The following TMEM192 variants were observed in gnomAD, a reference collection of about 807,000 sequenced individuals.
TMEM192 encodes transmembrane protein 192.
A neutral mutation model predicts 26.7 loss-of-function variants in TMEM192; 20 were observed. The ratio of observed to expected loss-of-function variants is 0.75; its 90% CI spans 0.53 to 1.09. TMEM192 has a LOEUF of 1.09. Ranked by LOEUF, TMEM192 falls within the 50% of genes least tolerant of loss-of-function variation. The pLI, the probability that TMEM192 is intolerant of heterozygous loss-of-function variation, is 0.00. For missense variants in TMEM192, 304 were observed against 322.6 expected (o/e 0.94, Z 0.44); for synonymous variants, 124 against 121.0 (o/e 1.02, Z -0.16).
Position 165,085,896 on chromosome 4 carries a change from C to A in TMEM192, c.575-208G>T, listed in dbSNP as rs562038028. Among the ~76,000 whole-genome samples the A allele has an allele frequency of 1.8e-3, 272 of 152,008 alleles. 2 individuals are homozygous for A. The highest frequency in any genetic ancestry group is 3.4e-3 in the Non-Finnish European group (231 of 67,986). ...GCTGACATTTATTGTGCACTTAGAA[C>A]ACATGAGGCACAGTTTAAATGTTTT... On this transcript the variant is annotated intron_variant, in intron 4 of 5. Transcript: ENST00000306480.
At chr4:165,099,127 T>C (rs1734982048) in intron 3 of TMEM192, among the ~76,000 whole-genome samples, 1 of 138,726 alleles carries the variant, frequency 7.2e-6, no homozygotes, top group Non-Finnish European at 1.6e-5. Flanking sequence ...TTTTTTGAGA[T>C]GGGGTCTCAC....
At chr4:165,102,800 T>TA in intron 2 of TMEM192, 150 bp downstream of exon 2, 1 of 494,330 alleles carries the variant, frequency 2.0e-6, no homozygotes, top group Non-Finnish European at 3.2e-6. Flanking sequence ...TTTTTTTTTT[T>TA]TTGCCCATGA....
intron 5 of TMEM192, among the ~76,000 whole-genome samples, chr4:165,080,105 T>C (rs1734487652): frequency 6.6e-6 from 1 of 152,180 alleles, no homozygotes; most frequent in Non-Finnish European, 1.5e-5. Flanking sequence ...AGTAATCAAC[T>C]TAAATGGCGT....
intron 2 of TMEM192, among the ~76,000 whole-genome samples, chr4:165,101,469 C>T (rs753124259): frequency 3.3e-5 from 5 of 152,210 alleles, no homozygotes; most frequent in South Asian, 2.1e-4. Flanking sequence ...TGGGCTCAAG[C>T]GATCCTCCTA....
chr4:165,084,302 G>A (rs560389330), intron 5 of TMEM192, among the ~76,000 whole-genome samples: 63 of 151,568 alleles, frequency 4.2e-4, no homozygotes, highest in African/African-American at 1.4e-3. Context: ...GGGTTCAAGC[G>A]ATTCTCCTGC....
chr4:165,096,792 G>A (rs1734918242), intron 3 of TMEM192, among the ~76,000 whole-genome samples: 3 of 151,750 alleles, frequency 2.0e-5, no homozygotes, highest in African/African-American at 4.8e-5. Flanking sequence ...TTATGATTAC[G>A]GCTCACATGT....
At chr4:165,102,884 T>C (rs200170237) in intron 2 of TMEM192, 66 bp downstream of exon 2, 512 of 1,454,822 alleles carry the variant, frequency 3.5e-4, no homozygotes, top group Non-Finnish European at 4.4e-4. Flanking sequence ...AACTGCCCTC[T>C]GAAACACTTA....
chr4:165,088,729 G>C, intron 3 of TMEM192, 127 bp from the exon 4 acceptor site: 1 of 937,582 alleles, frequency 1.1e-6, no homozygotes, highest in South Asian at 2.1e-5. Context: ...TTTCCTGAGT[G>C]ATCAGAGCCT....
In TMEM192 at chr4:165,074,689, T is replaced by A. The variant is rs1418472067; in HGVS notation, c.*4969A>T. The A allele has an allele frequency of 6.6e-6, 1 of 151,944 alleles. No homozygotes were observed. Among genetic ancestry groups the A allele is most frequent in the East Asian group, 1.9e-4 (1 of 5,154 alleles). 9.4% of individuals were successfully genotyped at this position (151,944 alleles called of 1,614,324 possible). A position where few individuals can be genotyped will look rare whatever the true frequency, so the allele number is the denominator to read the frequency against. ...CGAACTCCTGACCTCATGATCCGCC[T>A]GCCTCGGCCTCCCAAAGTGCTGGAA... On this transcript the variant is annotated 3_prime_UTR_variant, in exon 6 of 6. Transcript: ENST00000306480.
intron 1 of TMEM192, among the ~76,000 whole-genome samples, chr4:165,107,025 T>G (rs1414124168): frequency 6.7e-6 from 1 of 148,668 alleles, no homozygotes; most frequent in East Asian, 2.0e-4. Flanking sequence ...TTTTTCTCTC[T>G]TTTTTTTTTC....
At chr4:165,109,118 G>C (rs1210149236) in intron 1 of TMEM192, among the ~76,000 whole-genome samples, 2 of 152,170 alleles carry the variant, frequency 1.3e-5, no homozygotes, top group Non-Finnish European at 2.9e-5. Context: ...GCTGGGAATG[G>C]AAGTCCCTAC....
chr4:165,112,716 GGCCAACC>G, intron 1 of TMEM192, 24 bp downstream of exon 1: 1 of 1,608,324 alleles, frequency 6.2e-7, no homozygotes, highest in Non-Finnish European at 8.5e-7. Flanking sequence ...CGGATTCCGG[GGCCAACC>G]GCCCGCCGCC....
rs1170178114 is a variant in TMEM192 at position 165,071,970 on chromosome 4, T to C, written c.*7688A>G. 6.6e-6 allele frequency: 1 copy of C among 152,212 alleles called. No individual in the cohort carries two copies. The highest frequency in any genetic ancestry group is 1.5e-5 in the Non-Finnish European group (1 of 68,200). The allele number at this position is 152,212 out of a possible 1,614,324, so 9.4% of individuals were successfully genotyped here. ...TTAAAAGACTCTTATAGGCCAGGTG[T>C]GGTGGCTCATGCCTGTAATCCCAGT... is the stretch of plus-strand genomic sequence containing the variant. On this transcript the variant is annotated 3_prime_UTR_variant, in exon 6 of 6. Transcript: ENST00000306480.
Position 165,079,359 on chromosome 4 carries a change from G to T in TMEM192, c.*299C>A, listed in dbSNP as rs1040552496. 3.7e-6 allele frequency: 1 copy of T among 272,838 alleles called. No individual in the cohort carries two copies. The highest frequency in any genetic ancestry group is 2.2e-5 in the African/African-American group (1 of 45,764). 16.9% of individuals were successfully genotyped at this position (272,838 alleles called of 1,614,324 possible). ...GGGTTCTAATGTCAGGTGGAAAAGTGTTGACTATGGAGTTGTTTAGCCTCT... is the reference window on the plus strand; with the variant it reads ...GGGTTCTAATGTCAGGTGGAAAAGTTTTGACTATGGAGTTGTTTAGCCTCT... On this transcript the variant is annotated 3_prime_UTR_variant, in exon 6 of 6. Transcript: ENST00000306480.
At chr4:165,111,361 T>C (rs1220333571) in intron 1 of TMEM192, among the ~76,000 whole-genome samples, 2 of 152,224 alleles carry the variant, frequency 1.3e-5, no homozygotes, top group Non-Finnish European at 2.9e-5. Flanking sequence ...CCCAAAGTGC[T>C]GGGATTACAG....
intron 1 of TMEM192, 121 bp downstream of exon 1, chr4:165,112,626 C>A: frequency 1.4e-6 from 2 of 1,433,656 alleles, no homozygotes; most frequent in East Asian, 2.6e-5. Context: ...AGGCGGCGCC[C>A]CCTTCGGCCG....
At chr4:165,093,987 C>A (rs777197581) in intron 3 of TMEM192, among the ~76,000 whole-genome samples, 25 of 152,174 alleles carry the variant, frequency 1.6e-4, no homozygotes, top group Non-Finnish European at 2.8e-4. Flanking sequence ...GTAACCTCCG[C>A]CTCCCAGGTT....
At chr4:165,084,908 G>A (rs1011087579) in intron 5 of TMEM192, among the ~76,000 whole-genome samples, 3 of 152,132 alleles carry the variant, frequency 2.0e-5, no homozygotes, top group African/African-American at 7.2e-5. Context: ...TTGGGAGGCT[G>A]AAATGGGAGG....
intron 2 of TMEM192, among the ~76,000 whole-genome samples, chr4:165,101,265 C>T (rs1030697083): frequency 1.4e-4 from 21 of 151,868 alleles, no homozygotes; most frequent in Admixed American, 7.2e-4. Flanking sequence ...TGTGAGCCAC[C>T]GCACCCGGCT....
Sources: allele counts gnomAD v4.1 joint callset (sites outside exome capture counted in the v4.1 genomes callset), GRCh38; gene constraint gnomAD v4.1.1; transcripts MANE v1.5; gene names NCBI Gene and HGNC (gene_info 2026-07-23, HGNC 2026-07-21).